WDFY3: variants seen among roughly 807,000 people sequenced by gnomAD.
WDFY3 encodes WD repeat and FYVE domain containing 3.
A neutral mutation model predicts 409.6 loss-of-function variants in WDFY3; 66 were observed. The ratio of observed to expected loss-of-function variants is 0.16; its 90% CI spans 0.13 to 0.20. WDFY3 has a LOEUF of 0.20. Among genes scored for constraint, WDFY3 ranks in the 10% least tolerant of loss-of-function variants. The pLI, the probability that WDFY3 is intolerant of heterozygous loss-of-function variation, is 1.00. For missense variants in WDFY3, 3,031 were observed against 4,298.1 expected, an observed-to-expected ratio of 0.71 and a Z score of 8.24; for synonymous variants, 1,521 against 1,537.1, an observed-to-expected ratio of 0.99 and a Z score of 0.25.
intron 36 of WDFY3, 129 bp from the exon 37 acceptor site, chr4:84,743,928 TGAGAGATGGTA>T: frequency 2.1e-6 from 1 of 477,602 alleles, no homozygotes; most frequent in South Asian, 4.9e-5. Context: ...TTAAATGCCA[TGAGAGATGGTA>T]TACATGCTAT....
At chr4:84,718,289 A>G in intron 48 of WDFY3, 133 bp downstream of exon 48, 1 of 824,612 alleles carries the variant, frequency 1.2e-6, no homozygotes, top group East Asian at 2.6e-5. Flanking sequence ...GTGAATATGT[A>G]ATGATGAATG....
chr4:84,870,173 A>C (rs929282462), intron 3 of WDFY3, among the ~76,000 whole-genome samples: 11 of 152,230 alleles, frequency 7.2e-5, no homozygotes, highest in African/African-American at 2.7e-4. Context: ...TGTTAAAAGA[A>C]CATGTACTAA....
chr4:84,794,049 T>C (rs1748961746), intron 21 of WDFY3, among the ~76,000 whole-genome samples: 1 of 152,192 alleles, frequency 6.6e-6, no homozygotes, highest in South Asian at 2.1e-4. Context: ...TGTAAAGTCA[T>C]GGCATGTTGG....
intron 46 of WDFY3, 119 bp downstream of exon 46, chr4:84,724,307 T>C: frequency 8.8e-7 from 1 of 1,142,218 alleles, no homozygotes; most frequent in Non-Finnish European, 1.2e-6. Context: ...GATGGTAAAA[T>C]GTGTATGGAT....
Position 84,678,875 on chromosome 4 carries a change from A to G in WDFY3, c.10147+44T>C, listed in dbSNP as rs1450409700. On this transcript the variant is annotated intron_variant, in intron 65 of 67. Transcript: ENST00000295888. The stretch of plus-strand genomic sequence containing the variant: ...ACTGCCTCAATCCACCAACCCTCAC[A>G]CCACATATAAGGAGTGAGAAATAGA... The G allele has an allele frequency of 3.2e-6, 5 of 1,554,002 alleles. No homozygotes were observed. In the South Asian group the frequency reaches 4.9e-5, roughly 15 times the overall value.
In WDFY3 at chr4:84,677,315, A is replaced by T; in HGVS notation, c.10341T>A (p.Ala3447=). Residue 3447 remains alanine, a synonymous_variant, in exon 67 of 68, where the codon GCT becomes GCA. Coordinates refer to ENST00000295888, the MANE Select transcript of WDFY3 (RefSeq NM_014991.6). ...WSVSDQPGRS[A]ADHWVKDEGG... ...CTTCATCCTTCACCCAGTGATCAGC[A>T]GCAGAACGGCCTGGCTGGTCACTCA... 1 of 1,614,216 alleles carries T rather than the reference A, an allele frequency of 6.2e-7. No homozygotes were observed. Among genetic ancestry groups the T allele is most frequent in the Non-Finnish European group, 8.5e-7 (1 of 1,180,034 alleles).
chr4:84,688,493 G>A (rs1468542185), intron 61 of WDFY3, among the ~76,000 whole-genome samples: 1 of 152,168 alleles, frequency 6.6e-6, no homozygotes, highest in African/African-American at 2.4e-5. Context: ...CACTCTGGAG[G>A]CTCTTTACTT....
At chr4:84,725,827 T>C (rs989850465) in intron 45 of WDFY3, among the ~76,000 whole-genome samples, 4 of 152,110 alleles carry the variant, frequency 2.6e-5, no homozygotes, top group Non-Finnish European at 5.9e-5. Flanking sequence ...ACATGTAGAA[T>C]GAGATACTGA....
Position 84,690,681 on chromosome 4 carries a change from A to G in WDFY3, c.9205-17T>C, listed in dbSNP as rs755463155. On this transcript the variant is annotated splice_polypyrimidine_tract_variant and intron_variant, in intron 60 of 67. Transcript: ENST00000295888. ...AGTCATGGCCTATAAAGTAAAACGGATGTGAGACACACATGCCGTTAAGTA... is the reference window on the plus strand; with the variant it reads ...AGTCATGGCCTATAAAGTAAAACGGGTGTGAGACACACATGCCGTTAAGTA... 33 of 1,600,980 alleles carry G rather than the reference A, an allele frequency of 2.1e-5. No individual in the cohort carries two copies. In the Admixed American group the frequency reaches 5.3e-4, roughly 26 times the overall value.
chr4:84,852,067 A>G (rs368521909), intron 4 of WDFY3, among the ~76,000 whole-genome samples: 4 of 152,288 alleles, frequency 2.6e-5, no homozygotes, highest in African/African-American at 9.6e-5. Flanking sequence ...CACTTAAAGG[A>G]AGGACTTCTC....
At chr4:84,747,080 C>T (rs1335996090) in intron 36 of WDFY3, among the ~76,000 whole-genome samples, 4 of 152,194 alleles carry the variant, frequency 2.6e-5, no homozygotes, top group Non-Finnish European at 5.9e-5. Flanking sequence ...AGAATGAAGG[C>T]AGGACAGGCA....
rs752711237 is a variant in WDFY3, at chr4:84,766,301, A to G, written c.4921T>C (p.Leu1641=). ...TTAGATGTATAAATTAGTTTTAGCA[A>G]GATATCCAGAAGTCTGTTCCTCAAA... The part of the protein sequence containing the change: ...ILLRNRLLDI[L]LKLIYTSKEK... Residue 1641 remains leucine, a synonymous_variant, in exon 31 of 68, where the codon TTG becomes CTG. Transcript: ENST00000295888. The G allele has an allele frequency of 6.2e-7, 1 of 1,601,112 alleles. No homozygotes were observed. Among genetic ancestry groups the G allele is most frequent in the African/African-American group, 1.3e-5 (1 of 74,342 alleles).
chr4:84,927,696 C>A (rs1200079323), intron 2 of WDFY3, among the ~76,000 whole-genome samples: 2 of 152,140 alleles, frequency 1.3e-5, no homozygotes, highest in African/African-American at 4.8e-5. Context: ...AAGTGTCTGG[C>A]ATTTCCTCTG....
chr4:84,737,485 T>TA (rs1737649751), intron 40 of WDFY3, 119 bp from the exon 41 acceptor site: 90 of 1,189,882 alleles, frequency 7.6e-5, no homozygotes, highest in South Asian at 1.3e-4. Context: ...GTATTTAATG[T>TA]AAAAAAAACA....
At chr4:84,902,402 A>C (rs1223337533) in intron 2 of WDFY3, among the ~76,000 whole-genome samples, 2 of 152,340 alleles carry the variant, frequency 1.3e-5, no homozygotes, top group Admixed American at 1.3e-4. Context: ...TTTTTTTAAA[A>C]CCCAATATGA....
chr4:84,744,095 A>AAT (rs1488392677), intron 36 of WDFY3, among the ~76,000 whole-genome samples: 2 of 147,912 alleles, frequency 1.4e-5, no homozygotes, highest in Non-Finnish European at 3.0e-5. Flanking sequence ...TATATTATAT[A>AAT]ATATATAGTA....
intron 25 of WDFY3, 114 bp downstream of exon 25, chr4:84,782,849 A>G (rs532506710): frequency 1.2e-6 from 1 of 821,216 alleles, no homozygotes; most frequent in African/African-American, 1.7e-5. Context: ...CACGTACACT[A>G]TAGGTCAGTG....
At chr4:84,901,277 A>C (rs1766305430) in intron 2 of WDFY3, among the ~76,000 whole-genome samples, 1 of 152,158 alleles carries the variant, frequency 6.6e-6, no homozygotes, top group African/African-American at 2.4e-5. Context: ...ATGTGGCAGT[A>C]ATTAGAGGTG....
chr4:84,766,843 A>T (rs912481044), intron 30 of WDFY3, among the ~76,000 whole-genome samples: 2 of 152,242 alleles, frequency 1.3e-5, no homozygotes, highest in Non-Finnish European at 2.9e-5. Context: ...AATAGCACAG[A>T]AGAAAGGCAA....
Sources: gnomAD v4.1 joint callset for allele counts (sites outside exome capture counted in the v4.1 genomes callset) on GRCh38, gnomAD v4.1.1 for gene constraint, MANE v1.5 for transcripts, NCBI Gene and HGNC (gene_info 2026-07-23, HGNC 2026-07-21) for gene names.